B3GALT1: variants seen among roughly 807,000 people sequenced by gnomAD.
The protein encoded by B3GALT1 is UDP-Gal:betaGlcNAc beta 1,3-galactosyltransferase, polypeptide 1.
Under a neutral mutation model 23.2 loss-of-function variants are expected in B3GALT1, and 10 were observed. The ratio of observed to expected loss-of-function variants is 0.43; its 90% CI spans 0.27 to 0.73. B3GALT1 has a LOEUF of 0.73. Ranked by LOEUF, B3GALT1 falls within the 30% of genes least tolerant of loss-of-function variation. The pLI is 0.21. For synonymous variants in B3GALT1, 156 were observed against 141.5 expected, an observed-to-expected ratio of 1.10 and a Z score of -0.73; for missense variants, 299 against 405.4, an observed-to-expected ratio of 0.74 and a Z score of 2.25.
At chr2:167,814,459 T>TAACA in intron 3 of B3GALT1, among the ~76,000 whole-genome samples, 1 of 152,290 alleles carries the variant, frequency 6.6e-6, no homozygotes, top group East Asian at 1.9e-4. Context: ...GTGGCACTGC[T>TAACA]AACAATTAAG....
At chr2:167,447,278 G>A (rs1276108815) in intron 1 of B3GALT1, among the ~76,000 whole-genome samples, 1 of 152,184 alleles carries the variant, frequency 6.6e-6, no homozygotes, top group East Asian at 1.9e-4. Context: ...CCCTACTGGG[G>A]GGTGCCTCCC....
chr2:167,403,657 C>A (rs1020295932), intron 1 of B3GALT1, among the ~76,000 whole-genome samples: 1 of 152,074 alleles, frequency 6.6e-6, no homozygotes, highest in Non-Finnish European at 1.5e-5. Context: ...AAGCCCTGCT[C>A]TAATCTGCAC....
intron 1 of B3GALT1, among the ~76,000 whole-genome samples, chr2:167,471,284 G>T (rs1243378052): frequency 1.3e-5 from 2 of 152,124 alleles, no homozygotes; most frequent in Non-Finnish European, 2.9e-5. Context: ...CATAAAAAGA[G>T]CTAAGACTTG....
At chr2:167,479,153 C>T (rs1429029380) in intron 1 of B3GALT1, among the ~76,000 whole-genome samples, 1 of 151,948 alleles carries the variant, frequency 6.6e-6, no homozygotes, top group Non-Finnish European at 1.5e-5. Flanking sequence ...GATCACTTCA[C>T]CTTTATAAAC....
intron 1 of B3GALT1, among the ~76,000 whole-genome samples, chr2:167,484,538 C>T (rs1424102047): frequency 1.3e-5 from 2 of 151,936 alleles, no homozygotes; most frequent in East Asian, 3.9e-4. Flanking sequence ...TCTTCTAGGT[C>T]GTAGGTGGAT....
intron 1 of B3GALT1, among the ~76,000 whole-genome samples, chr2:167,393,620 C>T (rs1247115778): frequency 2.0e-5 from 3 of 152,046 alleles, no homozygotes; most frequent in East Asian, 3.9e-4. Flanking sequence ...TTCTACATTC[C>T]TCCTTTTAAA....
intron 3 of B3GALT1, among the ~76,000 whole-genome samples, chr2:167,712,668 G>A (rs1160569707): frequency 1.3e-5 from 2 of 152,078 alleles, no homozygotes; most frequent in Non-Finnish European, 2.9e-5. Context: ...GCTTACTTGA[G>A]AGAACTTGGA....
intron 4 of B3GALT1, among the ~76,000 whole-genome samples, chr2:167,831,051 G>C (rs1057386332): frequency 2.0e-5 from 3 of 152,212 alleles, no homozygotes; most frequent in African/African-American, 7.2e-5. Flanking sequence ...ACAAAATCTA[G>C]TTATTACTAT....
At chr2:167,856,904 C>G (rs1690009659) in intron 4 of B3GALT1, among the ~76,000 whole-genome samples, 1 of 152,008 alleles carries the variant, frequency 6.6e-6, no homozygotes, top group Admixed American at 6.6e-5. Flanking sequence ...AAACAGGAGT[C>G]AATGGAAATG....
chr2:167,628,079 A>T (rs953837139), intron 2 of B3GALT1, among the ~76,000 whole-genome samples: 6 of 151,678 alleles, frequency 4.0e-5, no homozygotes, highest in Non-Finnish European at 8.9e-5. Context: ...GCAATTTGAG[A>T]TTTCTTTACA....
intron 1 of B3GALT1, among the ~76,000 whole-genome samples, chr2:167,310,825 G>A (rs921924139): frequency 6.6e-6 from 1 of 152,034 alleles, no homozygotes; most frequent in African/African-American, 2.4e-5. Context: ...CAGAGACCTT[G>A]AGGCTTAGAC....
intron 1 of B3GALT1, among the ~76,000 whole-genome samples, chr2:167,319,981 A>C (rs1696783311): frequency 6.6e-6 from 1 of 152,072 alleles, no homozygotes. Flanking sequence ...CAGGTTTCTT[A>C]TGCTAGAAGT....
At chr2:167,723,718 A>G (rs184085892) in intron 3 of B3GALT1, among the ~76,000 whole-genome samples, 140 of 152,186 alleles carry the variant, frequency 9.2e-4, no homozygotes, top group African/African-American at 3.1e-3. Context: ...TTTAGTAGAG[A>G]CAGGGTTTCA....
At chr2:167,388,762 T>A (rs1409047243) in intron 1 of B3GALT1, among the ~76,000 whole-genome samples, 1 of 152,160 alleles carries the variant, frequency 6.6e-6, no homozygotes, top group Non-Finnish European at 1.5e-5. Context: ...AATAGAAGGA[T>A]TTGTTTAAAA....
chr2:167,727,708 C>G (rs1026936534), intron 3 of B3GALT1, among the ~76,000 whole-genome samples: 16 of 152,264 alleles, frequency 1.1e-4, no homozygotes, highest in African/African-American at 3.9e-4. Flanking sequence ...CAGAATTCCT[C>G]TCCTTGTTTT....
intron 1 of B3GALT1, among the ~76,000 whole-genome samples, chr2:167,487,455 C>A (rs1341183955): frequency 6.6e-6 from 1 of 152,124 alleles, no homozygotes; most frequent in Non-Finnish European, 1.5e-5. Flanking sequence ...TAGACAGTTT[C>A]ACAAAATAAC....
chr2:167,768,472 G>C (rs868259412), intron 3 of B3GALT1, among the ~76,000 whole-genome samples: 3 of 152,156 alleles, frequency 2.0e-5, no homozygotes, highest in African/African-American at 7.2e-5. Context: ...TATGATGCTA[G>C]ATTCTGACGG....
chr2:167,578,053 A>T (rs1684415085), intron 2 of B3GALT1, among the ~76,000 whole-genome samples: 1 of 151,980 alleles, frequency 6.6e-6, no homozygotes, highest in Non-Finnish European at 1.5e-5. Context: ...GATTTATTAT[A>T]ATCTACCATA....
At chr2:167,345,314 T>C (rs953530462) in intron 1 of B3GALT1, among the ~76,000 whole-genome samples, 2 of 152,084 alleles carry the variant, frequency 1.3e-5, no homozygotes, top group Non-Finnish European at 2.9e-5. Context: ...CTGTGAGTCT[T>C]GACATCTGAG....
Sources: allele counts gnomAD v4.1 joint callset (sites outside exome capture counted in the v4.1 genomes callset), GRCh38; gene constraint gnomAD v4.1.1; transcripts MANE v1.5; gene names NCBI Gene and HGNC (gene_info 2026-07-23, HGNC 2026-07-21).